CACNA1B: variants seen among roughly 807,000 people sequenced by gnomAD.
CACNA1B encodes the protein calcium voltage-gated channel subunit alpha1 B.
A neutral mutation model predicts 247.2 loss-of-function variants in CACNA1B; 70 were observed. The ratio of observed to expected loss-of-function variants is 0.28; its 90% CI spans 0.23 to 0.35. The LOEUF is 0.35. Among genes scored for constraint, CACNA1B ranks in the 10% least tolerant of loss-of-function variants. CACNA1B has a pLI of 1.00. For synonymous variants in CACNA1B, 1,231 were observed against 1,294.4 expected (o/e 0.95, Z 1.05); for missense variants, 2,367 against 3,197.4 (o/e 0.74, Z 6.26).
chr9:137,936,050 G>C (rs1183379757), intron 6 of CACNA1B, among the ~76,000 whole-genome samples: 1 of 152,174 alleles, frequency 6.6e-6, no homozygotes, highest in Non-Finnish European at 1.5e-5. Context: ...GTAGAGACGG[G>C]GTTTCACCGT....
intron 35 of CACNA1B, among the ~76,000 whole-genome samples, chr9:138,077,143 G>T (rs1286507020): frequency 6.6e-6 from 1 of 152,214 alleles, no homozygotes; most frequent in Non-Finnish European, 1.5e-5. Context: ...CCCAGCACAG[G>T]TTGAAGCAGC....
intron 12 of CACNA1B, among the ~76,000 whole-genome samples, chr9:137,980,049 A>G (rs757901651): frequency 2.0e-5 from 3 of 152,162 alleles, no homozygotes; most frequent in Admixed American, 1.3e-4. Flanking sequence ...TTGCTTTTCC[A>G]TGAAAGGTAG....
Position 137,881,075 on chromosome 9 carries a change from T to C in CACNA1B, c.391-1669T>C, listed in dbSNP as rs956923348. On this transcript the variant is annotated intron_variant, in intron 2 of 46. Transcript: ENST00000371372. The surrounding 1 kb of genome is among the most constrained non-coding windows in gnomAD (Gnocchi z 4.3). ...CTCCTTCCCAGCTGAGGGTGCTGGC[T>C]GGTCCTTCCTAGGCGTCGGGCCTGT... Among the ~76,000 whole-genome samples, 6 of 152,228 alleles carry C rather than the reference T, an allele frequency of 3.9e-5. No homozygotes were observed. In the East Asian group the frequency reaches 1.2e-3, roughly 29 times the overall value.
chr9:137,997,205 T>C (rs1316212559), intron 15 of CACNA1B, among the ~76,000 whole-genome samples: 3 of 152,290 alleles, frequency 2.0e-5, no homozygotes, highest in East Asian at 3.9e-4. Flanking sequence ...CTCATTGTAC[T>C]CCACTCTGTG....
At chr9:137,921,598 C>T (rs1342459116) in intron 6 of CACNA1B, among the ~76,000 whole-genome samples, 6 of 144,116 alleles carry the variant, frequency 4.2e-5, no homozygotes, top group East Asian at 2.1e-4. Flanking sequence ...AACACCACGA[C>T]CGCACAGCAT....
At chr9:137,933,089 C>T (rs7045820) in intron 6 of CACNA1B, among the ~76,000 whole-genome samples, 46,496 of 151,962 alleles carry the variant, frequency 0.31, 9,363 homozygotes, top group East Asian at 0.65. Context: ...CGTGCCACCA[C>T]GCCCGGCTAG....
chr9:138,117,243 C>G (rs1961900362), intron 42 of CACNA1B, among the ~76,000 whole-genome samples: 1 of 151,910 alleles, frequency 6.6e-6, no homozygotes, highest in South Asian at 2.1e-4. Flanking sequence ...GAAGGCTGCA[C>G]CCCAGCAGAG....
rs1961372046 is a variant in CACNA1B at position 138,104,912 on chromosome 9, G to A, written c.5320-787G>A. Among the ~76,000 whole-genome samples the A allele has an allele frequency of 2.6e-5, 4 of 152,250 alleles. No individual in the cohort carries two copies. The South Asian group carries it at 6.2e-4, about 24-fold the overall frequency. On this transcript the variant is annotated intron_variant, in intron 38 of 46. Coordinates refer to ENST00000371372, the MANE Select transcript of CACNA1B (RefSeq NM_000718.4). Reference sequence around the variant, plus strand: ...CTGGCTGGGGCCAGAGGACTGTGGTGCAGACACGAGCTCGTCTCCAGCTGT... The same window carrying A: ...CTGGCTGGGGCCAGAGGACTGTGGTACAGACACGAGCTCGTCTCCAGCTGT...
In CACNA1B at chr9:137,880,720, A is replaced by G. The variant is rs1317542948; in HGVS notation, c.390+1561A>G. ...AGCCTAGAGGTCTGGGGAGCTCTTG[A>G]CCAGTCCCAGTCCCATGTGCAGGCC... On this transcript the variant is annotated intron_variant, in intron 2 of 46. Coordinates refer to ENST00000371372, the MANE Select transcript of CACNA1B (RefSeq NM_000718.4). This position sits in a 1 kb window ranked among gnomAD's most constrained non-coding sequence, Gnocchi z 4.8. Among the ~76,000 whole-genome samples, 1 of 152,098 alleles carries G rather than the reference A, an allele frequency of 6.6e-6. No homozygotes were observed. The highest frequency in any genetic ancestry group is 1.5e-5 in the Non-Finnish European group (1 of 67,994).
intron 10 of CACNA1B, among the ~76,000 whole-genome samples, chr9:137,960,222 C>CTGAGAGACGCCACGTG (rs1554738920): frequency 1.8e-3 from 20 of 11,426 alleles, no homozygotes; most frequent in South Asian, 3.0e-3. Flanking sequence ...GAAGGTCGGC[C>CTGAGAGACGCCACGTG]GGAGGGAAGC....
chr9:137,916,817 G>A (rs112014384), intron 5 of CACNA1B, among the ~76,000 whole-genome samples: 20 of 152,014 alleles, frequency 1.3e-4, no homozygotes, highest in African/African-American at 3.1e-4. Flanking sequence ...TACAGTCAGC[G>A]TGGTGGTTTG....
chr9:137,970,018 G>A (rs1436079481), intron 10 of CACNA1B, among the ~76,000 whole-genome samples: 1 of 152,114 alleles, frequency 6.6e-6, no homozygotes, highest in African/African-American at 2.4e-5. Context: ...AGCTATGAGA[G>A]CCACTGAGAG....
chr9:137,988,306 A>G (rs1471743517), intron 15 of CACNA1B, among the ~76,000 whole-genome samples: 1 of 152,178 alleles, frequency 6.6e-6, no homozygotes, highest in African/African-American at 2.4e-5. Context: ...GGTGGCGACA[A>G]GGTGGCAGGT....
rs889926177 is a variant in CACNA1B, at chr9:137,973,376, C to T, written c.1543+1784C>T. 3.3e-5 allele frequency among the ~76,000 whole-genome samples: 5 copies of T among 152,334 alleles called. No homozygotes were observed. The highest frequency in any genetic ancestry group is 1.2e-4 in the African/African-American group (5 of 41,580). On this transcript the variant is annotated intron_variant, in intron 11 of 46. Coordinates refer to ENST00000371372, the MANE Select transcript of CACNA1B (RefSeq NM_000718.4). The surrounding 1 kb of genome is among the most constrained non-coding windows in gnomAD (Gnocchi z 4.1). ...CCAGAGGCGAGGGGGTGTGGCCGCC[C>T]AGCCTAGAGCAGCTTTGCAGGGGCT... is the stretch of plus-strand genomic sequence containing the variant.
At position 138,014,154 on chromosome 9, in the gene CACNA1B, GTA is replaced by G. The variant is rs1369222781; in HGVS notation, c.2267+921_2267+922del. On this transcript the variant is annotated intron_variant, in intron 18 of 46. Coordinates refer to ENST00000371372, the MANE Select transcript of CACNA1B (RefSeq NM_000718.4). The surrounding 1 kb of genome is among the most constrained non-coding windows in gnomAD (Gnocchi z 6.2). Reference sequence around the variant, plus strand: ...GTTGGCATGTGGATGAGTGTGCTAGGTATGTGTGTGTGATGTGTGTCTGCACT... The same window carrying G: ...GTTGGCATGTGGATGAGTGTGCTAGGTGTGTGTGTGATGTGTGTCTGCACT... Among the ~76,000 whole-genome samples, 2 of 152,234 alleles carry G rather than the reference GTA, an allele frequency of 1.3e-5. No individual in the cohort carries two copies. Among genetic ancestry groups the G allele is most frequent in the East Asian group, 1.9e-4 (1 of 5,198 alleles).
In CACNA1B at chr9:137,971,481, A is replaced by G. The variant is rs1285728525; in HGVS notation, c.1432A>G (p.Met478Val). The G allele has an allele frequency of 2.5e-6, 4 of 1,613,698 alleles. No homozygotes were observed. Among genetic ancestry groups the G allele is most frequent in the East Asian group, 4.5e-5 (2 of 44,876 alleles). ...GATGTTCCGGTTTTTTATCCGGCGCATGGTGAAGGCTCAGAGCTTCTACTG... is the reference window on the plus strand; with the variant it reads ...GATGTTCCGGTTTTTTATCCGGCGCGTGGTGAAGGCTCAGAGCTTCTACTG... ...EKMFRFFIRR[M>V]VKAQSFYWVV... Residue 478 changes from methionine (M) to valine (V), a missense_variant, in exon 11 of 47, where the codon ATG (methionine) becomes GTG (valine). By Grantham distance (21) the Met-to-Val change is conservative. Transcript: ENST00000371372. The surrounding 1 kb of genome is among the most constrained non-coding windows in gnomAD (Gnocchi z 4.4).
intron 6 of CACNA1B, among the ~76,000 whole-genome samples, chr9:137,935,349 C>G (rs542160936): frequency 2.0e-5 from 3 of 152,042 alleles, no homozygotes; most frequent in Non-Finnish European, 1.5e-5. Context: ...TGAGAACATG[C>G]GGTGTTTGGT....
chr9:138,083,129 C>G (rs762670356), intron 36 of CACNA1B, among the ~76,000 whole-genome samples: 46 of 150,994 alleles, frequency 3.0e-4, no homozygotes, highest in Non-Finnish European at 6.0e-4. Context: ...GTGCTCCCTC[C>G]AGAGACAAAG....
chr9:138,080,035 C>G (rs536855947), intron 36 of CACNA1B, among the ~76,000 whole-genome samples: 2 of 152,286 alleles, frequency 1.3e-5, no homozygotes, highest in African/African-American at 4.8e-5. Context: ...GACAGAGATG[C>G]TCTTGACAGT....
Sources: gnomAD v4.1 joint callset for allele counts (sites outside exome capture counted in the v4.1 genomes callset) on GRCh38, gnomAD v4.1.1 for gene constraint, Gnocchi (gnomAD v3.1) non-coding constraint, MANE v1.5 for transcripts, NCBI Gene and HGNC (gene_info 2026-07-23, HGNC 2026-07-21) for gene names.